SORCS2: variants seen among roughly 807,000 people sequenced by gnomAD.
The protein encoded by SORCS2 is VPS10 domain-containing receptor SorCS2.
SORCS2 carries 100 observed loss-of-function variants against 141.6 expected under a neutral mutation model. The ratio of observed to expected loss-of-function variants is 0.71; its 90% CI spans 0.60 to 0.83. The LOEUF (loss-of-function observed/expected upper bound fraction) is 0.83, where lower values mean the gene tolerates loss of function less well. Among genes scored for constraint, SORCS2 ranks in the 40% least tolerant of loss-of-function variants. The probability of loss-of-function intolerance (pLI) is 0.00; values close to 1 mark genes in which losing one functional copy is unlikely to be tolerated. For synonymous variants in SORCS2, 789 were observed against 676.9 expected, an observed-to-expected ratio of 1.17 and a Z score of -2.57; for missense variants, 1,646 against 1,560.2, an observed-to-expected ratio of 1.05 and a Z score of -0.93.
At chr4:7,401,777 TCATC>T (rs1381910314) in intron 2 of SORCS2, among the ~76,000 whole-genome samples, 2 of 152,156 alleles carry the variant, frequency 1.3e-5, no homozygotes, top group Non-Finnish European at 2.9e-5. Flanking sequence ...AGCAGGACCT[TCATC>T]CAGGGGCAGT....
chr4:7,444,195 C>G (rs950916251), intron 2 of SORCS2, among the ~76,000 whole-genome samples: 13 of 152,204 alleles, frequency 8.5e-5, no homozygotes, highest in Admixed American at 5.9e-4. Context: ...GTGCTGAGTG[C>G]TATTCTAGGT....
chr4:7,722,576 G>A (rs1726664771), intron 18 of SORCS2, among the ~76,000 whole-genome samples: 3 of 152,020 alleles, frequency 2.0e-5, no homozygotes, highest in South Asian at 2.1e-4. Flanking sequence ...TCACCTCCAC[G>A]CAGCCTCTGT....
chr4:7,375,962 G>A (rs1445486068), intron 1 of SORCS2, among the ~76,000 whole-genome samples: 1 of 152,230 alleles, frequency 6.6e-6, no homozygotes, highest in Non-Finnish European at 1.5e-5. Flanking sequence ...ATCAGAGGTT[G>A]TTATGGAGAT....
At chr4:7,415,160 C>A (rs1423773739) in intron 2 of SORCS2, among the ~76,000 whole-genome samples, 1 of 152,294 alleles carries the variant, frequency 6.6e-6, no homozygotes, top group Non-Finnish European at 1.5e-5. Flanking sequence ...GGCTGGTGGC[C>A]AGGATGTCCT....
At position 7,663,254 on chromosome 4, in the gene SORCS2, GTGAATAAGTGAGTGAGTGAA is replaced by G. The variant is rs1400883110; in HGVS notation, c.953-1075_953-1056del. 1.4e-4 allele frequency among the ~76,000 whole-genome samples: 22 copies of G among 151,922 alleles called. No homozygotes were observed. In the South Asian group the frequency reaches 3.4e-3, roughly 23 times the overall value. ...GAGTGAATAAGTGAGTGAGTGAAGAGTGAATAAGTGAGTGAGTGAATGAATAAGTGAGTGAGTGAATGAGT... is the reference window on the plus strand; with the variant it reads ...GAGTGAATAAGTGAGTGAGTGAAGAGTGAATAAGTGAGTGAGTGAATGAGT... On this transcript the variant is annotated intron_variant, in intron 6 of 26. Coordinates refer to ENST00000507866, the MANE Select transcript of SORCS2 (RefSeq NM_020777.3). The surrounding 1 kb of genome is among the most constrained non-coding windows in gnomAD (Gnocchi z 4.8).
At chr4:7,540,492 G>C (rs920052879) in intron 3 of SORCS2, among the ~76,000 whole-genome samples, 2 of 152,206 alleles carry the variant, frequency 1.3e-5, no homozygotes, top group Non-Finnish European at 2.9e-5. Flanking sequence ...GTGTGCAGTA[G>C]CTTGGGAAGT....
chr4:7,293,012 TG>T (rs1478279896), intron 1 of SORCS2, among the ~76,000 whole-genome samples: 1 of 152,128 alleles, frequency 6.6e-6, no homozygotes, highest in East Asian at 1.9e-4. Flanking sequence ...ACATTGAAAA[TG>T]GTGCTTGAGG....
At chr4:7,269,865 T>C (rs896737675) in intron 1 of SORCS2, among the ~76,000 whole-genome samples, 6 of 152,200 alleles carry the variant, frequency 3.9e-5, no homozygotes, top group Non-Finnish European at 8.8e-5. Context: ...GAAATGAATA[T>C]GATGTGGATT....
At chr4:7,723,972 T>C (rs1726784836) in intron 19 of SORCS2, 89 bp downstream of exon 19, 1 of 1,409,202 alleles carries the variant, frequency 7.1e-7, no homozygotes, top group Admixed American at 2.6e-5. Flanking sequence ...GCCCCCGGGA[T>C]TGCTCTAGGC....
In SORCS2 at chr4:7,287,418, C is replaced by T. The variant is rs568887845; in HGVS notation, c.480+94292C>T. 5.9e-5 allele frequency among the ~76,000 whole-genome samples: 9 copies of T among 152,356 alleles called. No homozygotes were observed. The South Asian group carries it at 8.3e-4, about 14-fold the overall frequency. Reference sequence around the variant, plus strand: ...AAAGGTTCGAGCCAGGAATGGAAACCGTTCCTACTGGGAGCTGGGCGTGGG... The same window carrying T: ...AAAGGTTCGAGCCAGGAATGGAAACTGTTCCTACTGGGAGCTGGGCGTGGG... On this transcript the variant is annotated intron_variant, in intron 1 of 26. Transcript: ENST00000507866.
At chr4:7,452,918 T>G (rs1577587820) in intron 2 of SORCS2, among the ~76,000 whole-genome samples, 3 of 92,728 alleles carry the variant, frequency 3.2e-5, no homozygotes, top group Non-Finnish European at 4.1e-5. Context: ...GGTGCTGTGT[T>G]GAGGTCAGGA....
chr4:7,542,660 G>C (rs1278448566), intron 3 of SORCS2, among the ~76,000 whole-genome samples: 1 of 152,240 alleles, frequency 6.6e-6, no homozygotes, highest in Non-Finnish European at 1.5e-5. Context: ...CATTTCCACT[G>C]TTTGAAGGCA....
intron 3 of SORCS2, among the ~76,000 whole-genome samples, chr4:7,601,162 T>G (rs757058120): frequency 6.6e-6 from 1 of 152,206 alleles, no homozygotes; most frequent in Non-Finnish European, 1.5e-5. Context: ...TTAATGAAGT[T>G]TGGAGTGAAT....
chr4:7,320,700 C>T (rs186760545), intron 1 of SORCS2, among the ~76,000 whole-genome samples: 1 of 152,268 alleles, frequency 6.6e-6, no homozygotes, highest in African/African-American at 2.4e-5. Context: ...GGAGGTGGGG[C>T]CCTTCCTGTC....
At chr4:7,533,970 C>G (rs1021350136) in intron 3 of SORCS2, among the ~76,000 whole-genome samples, 3 of 152,202 alleles carry the variant, frequency 2.0e-5, no homozygotes. Flanking sequence ...CCTCTACAGG[C>G]AGCACCGGGG....
At chr4:7,655,778 G>C (rs1721729647) in intron 5 of SORCS2, among the ~76,000 whole-genome samples, 1 of 152,234 alleles carries the variant, frequency 6.6e-6, no homozygotes. Flanking sequence ...GCAGAGCCAG[G>C]AGGTGCGATT....
At chr4:7,495,064 T>C (rs537725085) in intron 2 of SORCS2, among the ~76,000 whole-genome samples, 85 of 152,362 alleles carry the variant, frequency 5.6e-4, no homozygotes, top group Admixed American at 4.9e-3. Context: ...AGCAAGGCCC[T>C]GCGACGTCGA....
At chr4:7,314,798 CT>C (rs1194035008) in intron 1 of SORCS2, among the ~76,000 whole-genome samples, 2 of 92,552 alleles carry the variant, frequency 2.2e-5, no homozygotes, top group East Asian at 3.4e-4. Context: ...GCCCACTGTT[CT>C]GTTTTTTTTT....
intron 1 of SORCS2, among the ~76,000 whole-genome samples, chr4:7,337,944 C>T (rs946541176): frequency 7.2e-5 from 11 of 152,208 alleles, no homozygotes; most frequent in African/African-American, 2.2e-4. Context: ...GGTTCCTCTG[C>T]GGACCTGCTG....
Sources: gnomAD v4.1 joint callset for allele counts (sites outside exome capture counted in the v4.1 genomes callset) on GRCh38, gnomAD v4.1.1 for gene constraint, Gnocchi (gnomAD v3.1) non-coding constraint, MANE v1.5 for transcripts, NCBI Gene and HGNC (gene_info 2026-07-23, HGNC 2026-07-21) for gene names.